Variants in SNX27 observed in about 807,000 individuals in gnomAD.
SNX27 encodes the protein sorting nexin-27.
In SNX27, 22 loss-of-function variants were observed where a neutral mutation model predicts 71.6. The ratio of observed to expected loss-of-function variants is 0.31; its 90% confidence interval spans 0.22 to 0.44. The LOEUF is 0.44. Among genes scored for constraint, SNX27 ranks in the 20% least tolerant of loss-of-function variants. SNX27 has a pLI of 1.00. For synonymous variants in SNX27, 269 were observed against 277.2 expected (o/e 0.97, Z 0.29); for missense variants, 531 against 698.6 (o/e 0.76, Z 2.70).
At chr1:151,618,900 G>T (rs1241266959) in intron 1 of SNX27, among the ~76,000 whole-genome samples, 2 of 151,832 alleles carry the variant, frequency 1.3e-5, no homozygotes, top group African/African-American at 4.8e-5. Context: ...GGATGGGTTG[G>T]TACAGTTCAG....
intron 2 of SNX27, among the ~76,000 whole-genome samples, chr1:151,641,821 ATATG>A (rs1396295112): frequency 7.3e-6 from 1 of 137,642 alleles, no homozygotes; most frequent in Non-Finnish European, 1.6e-5. Context: ...TATGAGATAT[ATATG>A]TCAGCTATAG....
intron 3 of SNX27, 58 bp from the exon 4 acceptor site, chr1:151,660,740 T>G (rs915905974): frequency 2.0e-5 from 26 of 1,320,554 alleles, no homozygotes; most frequent in Non-Finnish European, 2.8e-5. Context: ...GATACGTCTT[T>G]GACTTTATAT....
intron 10 of SNX27, 70 bp from the exon 11 acceptor site, chr1:151,693,354 G>A: frequency 7.0e-7 from 1 of 1,422,062 alleles, no homozygotes; most frequent in Non-Finnish European, 9.9e-7. Context: ...CTGGGGACAG[G>A]AGTTCAAAGG....
At chr1:151,619,446 TATGCCACC>T (rs1207510929) in intron 1 of SNX27, among the ~76,000 whole-genome samples, 1 of 152,182 alleles carries the variant, frequency 6.6e-6, no homozygotes, top group East Asian at 1.9e-4. Context: ...ACCATAGGCG[TATGCCACC>T]ATGCCCAGCT....
chr1:151,627,123 TG>T (rs1157410772), intron 1 of SNX27, among the ~76,000 whole-genome samples: 1 of 152,220 alleles, frequency 6.6e-6, no homozygotes, highest in African/African-American at 2.4e-5. Flanking sequence ...TACTTCTCTA[TG>T]TAACCCTCTG....
chr1:151,683,387 A>C lies in SNX27; in HGVS notation c.1181A>C (p.Lys394Thr), dbSNP rs1558073082. Reference protein sequence around the residue: ...AVDDVKKGYIKAEEKSYQLQK... With the variant: ...AVDDVKKGYITAEEKSYQLQK... ...GATGATGTGAAGAAAGGTTACATCA[A>C]AGCAGAAGAAAAGTCCTATCAATTA... Residue 394 changes from lysine to threonine, a missense_variant, in exon 8 of 12, where the codon AAA becomes ACA. Physicochemically the swap from Lys to Thr is moderately conservative, Grantham distance 78. Coordinates refer to ENST00000458013, the MANE Select transcript of SNX27 (RefSeq NM_001330723.2). The C allele has an allele frequency of 6.2e-7, 1 of 1,613,700 alleles. No homozygotes were observed. Among genetic ancestry groups the C allele is most frequent in the Non-Finnish European group, 8.5e-7 (1 of 1,179,936 alleles).
At chr1:151,643,293 T>C (rs1325493126) in intron 2 of SNX27, among the ~76,000 whole-genome samples, 4 of 149,824 alleles carry the variant, frequency 2.7e-5, no homozygotes, top group Non-Finnish European at 3.0e-5. Flanking sequence ...TATTTATTTA[T>C]TTATTTATTT....
At chr1:151,693,636 T>C (rs367996078) in intron 11 of SNX27, 153 bp downstream of exon 11, 1 of 1,613,454 alleles carries the variant, frequency 6.2e-7, no homozygotes, top group African/African-American at 1.3e-5. Context: ...GCCAGGACAT[T>C]CTTCCAGCAA....
At chr1:151,615,911 T>G in intron 1 of SNX27, 2 of 734,270 alleles carry the variant, frequency 2.7e-6, no homozygotes, top group Non-Finnish European at 1.7e-6. Flanking sequence ...ACCAAGGCTC[T>G]GTCCTAATCT....
intron 1 of SNX27, among the ~76,000 whole-genome samples, chr1:151,620,241 AT>A (rs1439336611): frequency 1.3e-5 from 2 of 152,134 alleles, no homozygotes; most frequent in Non-Finnish European, 2.9e-5. Context: ...AGAAGTTTGG[AT>A]TTTTTTCTCT....
chr1:151,668,605 T>C lies in SNX27; in HGVS notation c.1119T>C (p.Asn373=), dbSNP rs762265704. ...AAGAAGAAATTCTCTTAAATGACAA[T>C]GACCTTGCTGTTACCTACTTCTTTC... ...TTEEEILLND[N]DLAVTYFFHQ... The change falls in exon 7 of 12, where the codon AAT becomes AAC. Residue 373 remains asparagine (N), a synonymous_variant. Transcript: ENST00000458013. 2 of 1,613,506 alleles carry C rather than the reference T, an allele frequency of 1.2e-6. No homozygotes were observed. The highest frequency in any genetic ancestry group is 2.2e-5 in the East Asian group (1 of 44,866).
chr1:151,664,960 G>A (rs1670124993), intron 5 of SNX27, among the ~76,000 whole-genome samples: 1 of 152,060 alleles, frequency 6.6e-6, no homozygotes, highest in African/African-American at 2.4e-5. Flanking sequence ...ATATACAATG[G>A]TAATTTAGAA....
At chr1:151,625,190 T>G (rs1667867286) in intron 1 of SNX27, among the ~76,000 whole-genome samples, 1 of 152,196 alleles carries the variant, frequency 6.6e-6, no homozygotes, top group Non-Finnish European at 1.5e-5. Flanking sequence ...CAGTGTTAAA[T>G]TTTTGGACGT....
In SNX27 at chr1:151,653,434, C is replaced by T. The variant is rs74548192; in HGVS notation, c.544-4801C>T. Among the ~76,000 whole-genome samples, 45 of 152,276 alleles carry T rather than the reference C, an allele frequency of 3.0e-4. No individual in the cohort carries two copies. The East Asian group carries it at 8.7e-3, about 29-fold the overall frequency. On this transcript the variant is annotated intron_variant, in intron 2 of 11. Transcript: ENST00000458013. ...TATAGCTATCATTACCTTTACTGTG[C>T]CATAGGCCTCAAGTTTCTCTAGCAA...
chr1:151,665,684 G>C (rs564995751), intron 5 of SNX27, among the ~76,000 whole-genome samples: 15 of 152,302 alleles, frequency 9.8e-5, no homozygotes, highest in African/African-American at 3.6e-4. Flanking sequence ...GGAGAAGCTC[G>C]TATTTAGAGA....
intron 2 of SNX27, among the ~76,000 whole-genome samples, chr1:151,641,692 T>TAGC (rs1668756991): frequency 3.6e-5 from 5 of 140,292 alleles, no homozygotes; most frequent in Admixed American, 7.4e-5. Context: ...CTGATATATA[T>TAGC]ATCATATATA....
chr1:151,651,054 C>T (rs1323923418), intron 2 of SNX27, among the ~76,000 whole-genome samples: 1 of 152,052 alleles, frequency 6.6e-6, no homozygotes, highest in Non-Finnish European at 1.5e-5. Flanking sequence ...CCCCACCTTT[C>T]CCGCCTTTCT....
intron 2 of SNX27, among the ~76,000 whole-genome samples, chr1:151,651,558 C>T (rs1002634187): frequency 2.0e-5 from 3 of 151,590 alleles, no homozygotes; most frequent in Non-Finnish European, 2.9e-5. Flanking sequence ...CCTCACCTCC[C>T]AGACGGGGTC....
Position 151,698,117 on chromosome 1 carries a change from G to C in SNX27, c.*3700G>C, listed in dbSNP as rs926773421. On this transcript the variant is annotated 3_prime_UTR_variant, in exon 12 of 12. Transcript: ENST00000458013. ...TCCTAGGCCTGGACTGAGCTCTCAG[G>C]GGGGAATTAGATAAATATTCCAACA... 2 of 128,184 alleles carry C rather than the reference G, an allele frequency of 1.6e-5. No individual in the cohort carries two copies. The highest frequency in any genetic ancestry group is 7.6e-5 in the African/African-American group (2 of 26,224). 7.9% of individuals were successfully genotyped at this position (128,184 alleles called of 1,614,324 possible). A position where few individuals can be genotyped will look rare whatever the true frequency, so the allele number is the denominator to read the frequency against.
Sources: gnomAD v4.1 joint callset for allele counts (sites outside exome capture counted in the v4.1 genomes callset) on GRCh38, gnomAD v4.1.1 for gene constraint, MANE v1.5 for transcripts, NCBI Gene and HGNC (gene_info 2026-07-23, HGNC 2026-07-21) for gene names.